The following SAMD11 variants were observed in gnomAD, a reference collection of about 807,000 sequenced individuals.
SAMD11 encodes the protein sterile alpha motif domain containing 11.
A neutral mutation model predicts 64.4 loss-of-function variants in SAMD11; 77 were observed. That is an observed-to-expected ratio of 1.20 (90% confidence interval 0.99 to 1.44). The LOEUF (loss-of-function observed/expected upper bound fraction) is 1.44, where lower values mean the gene tolerates loss of function less well. Among genes scored for constraint, SAMD11 ranks in the 40% most tolerant of loss-of-function variants. The probability of loss-of-function intolerance (pLI) is 0.00; values close to 1 mark genes in which losing one functional copy is unlikely to be tolerated. For synonymous variants in SAMD11, 658 were observed against 421.9 expected, an observed-to-expected ratio of 1.56 and a Z score of -6.86; for missense variants, 1,402 against 943.3, an observed-to-expected ratio of 1.49 and a Z score of -6.37.
intron 5 of SAMD11, among the ~76,000 whole-genome samples, chr1:936,484 G>C (rs535432666): frequency 1.3e-5 from 2 of 152,090 alleles, no homozygotes; most frequent in Non-Finnish European, 2.9e-5. Context: ...GGAGGGAAGG[G>C]ATCCGGCGCC....
chr1:940,958 C>G (rs1054289588), intron 7 of SAMD11, 186 bp from the exon 8 acceptor site: 1 of 533,202 alleles, frequency 1.9e-6, no homozygotes, highest in South Asian at 2.6e-5. Flanking sequence ...CCTCGCCCAG[C>G]ATCTTGTCTG....
chr1:935,601 G>C (rs1370725169), intron 4 of SAMD11, among the ~76,000 whole-genome samples, 171 bp from the exon 5 acceptor site: 2 of 152,184 alleles, frequency 1.3e-5, no homozygotes, highest in Non-Finnish European at 2.9e-5. Flanking sequence ...GTGCTGCGTG[G>C]GTGTGCACAC....
In SAMD11 at chr1:942,948, C is replaced by G; in HGVS notation, c.1943C>G (p.Thr648Ser). 6.5e-7 allele frequency: 1 copy of G among 1,548,496 alleles called. No individual in the cohort carries two copies. The highest frequency in any genetic ancestry group is 2.1e-5 in the Admixed American group (1 of 48,574). ...ETAAVGCRGP[T>S]PGQAPAGGAG... ...GCAGCTGTTGGGTGCAGGGGGCCCA[C>G]TCCGGGCCAAGCTCCAGCTGGAGGG... The change falls in exon 11 of 14, where the codon ACT (threonine) becomes AGT (serine). Residue 648 changes from threonine to serine, a missense_variant. Physicochemically the swap from Thr to Ser is moderately conservative, Grantham distance 58. Coordinates refer to ENST00000616016, the MANE Select transcript of SAMD11 (RefSeq NM_001385641.1).
intron 4 of SAMD11, among the ~76,000 whole-genome samples, chr1:935,310 G>A (rs1215032355): frequency 2.0e-5 from 3 of 152,120 alleles, no homozygotes; most frequent in African/African-American, 7.2e-5. Flanking sequence ...TGTGGTCTGG[G>A]CCTCAGTTTC....
In SAMD11 at chr1:940,932, G is replaced by A. The variant is rs866787150; in HGVS notation, c.1196-212G>A. On this transcript the variant is annotated intron_variant, in intron 7 of 13. Transcript: ENST00000616016. The stretch of plus-strand genomic sequence containing the variant: ...GCACCCGGCTCCCCTTCGGGGAAGA[G>A]CTTTTCCCGACACTTCCTCGCCCAG... 5.6e-5 allele frequency: 29 copies of A among 521,374 alleles called. No individual in the cohort carries two copies. In the Middle Eastern group the frequency reaches 5.0e-3, roughly 89 times the overall value. The allele number at this position is 521,374 out of a possible 1,614,324, so 32.3% of individuals were successfully genotyped here.
intron 7 of SAMD11, among the ~76,000 whole-genome samples, chr1:940,113 C>T (rs567805240): frequency 1.3e-5 from 2 of 152,312 alleles, no homozygotes; most frequent in South Asian, 4.1e-4. Context: ...GGATTCCTCA[C>T]ACCAGGCACC....
chr1:928,954 G>A (rs1403856633), intron 2 of SAMD11, among the ~76,000 whole-genome samples: 1 of 152,358 alleles, frequency 6.6e-6, no homozygotes, highest in Admixed American at 6.5e-5. Flanking sequence ...GTGGCAATGG[G>A]AGGGAGGAAG....
rs563519318 is a variant in SAMD11 at position 941,093 on chromosome 1, G to A, written c.1196-51G>A. 31 of 1,502,498 alleles carry A rather than the reference G, an allele frequency of 2.1e-5. 1 individual carries two copies. In the African/African-American group the frequency reaches 3.0e-4, roughly 15 times the overall value. 93.1% of individuals were successfully genotyped at this position (1,502,498 alleles called of 1,614,324 possible). ...GTTCTACGCCAGGACGCGGGCTGGGGAGGATGAGGGCGCATAGCCGGGGGG... is the reference window on the plus strand; with the variant it reads ...GTTCTACGCCAGGACGCGGGCTGGGAAGGATGAGGGCGCATAGCCGGGGGG... On this transcript the variant is annotated intron_variant, in intron 7 of 13. Transcript: ENST00000616016.
At chr1:941,113 G>A (rs748739985) in intron 7 of SAMD11, 31 bp from the exon 8 acceptor site, 2 of 1,565,880 alleles carry the variant, frequency 1.3e-6, no homozygotes, top group Non-Finnish European at 1.7e-6. Context: ...GCGCATAGCC[G>A]GGGGGATCAC....
chr1:942,794 A>T lies in SAMD11; in HGVS notation c.1789A>T (p.Lys597Ter). The T allele has an allele frequency of 6.5e-7, 1 of 1,542,388 alleles. No individual in the cohort carries two copies. The highest frequency in any genetic ancestry group is 8.7e-7 in the Non-Finnish European group (1 of 1,144,376). ...SRDSARRAPR[K>*]GGPGPASARP... is the part of the protein sequence containing the mutation. ...GGACTCTGCCCGGCGAGCCCCCCGG[A>T]AGGGGGGTCCCGGCCCTGCCTCAGC... Residue 597 changes from lysine to a stop codon, truncating the protein, a stop_gained, in exon 11 of 14, where the codon AAG (lysine) becomes TAG (stop). Coordinates refer to ENST00000616016, the MANE Select transcript of SAMD11 (RefSeq NM_001385641.1). LOFTEE classifies it high-confidence loss of function.
rs2100309476 is a variant in SAMD11 at position 931,023 on chromosome 1, G to A, written c.792-16G>A. ...GCCTCCAGAGCAACATGGACCTTCTGCTTCCCTTCCTGCAGAGTCCACACC... is the reference window on the plus strand; with the variant it reads ...GCCTCCAGAGCAACATGGACCTTCTACTTCCCTTCCTGCAGAGTCCACACC... On this transcript the variant is annotated splice_polypyrimidine_tract_variant and intron_variant, in intron 3 of 13. Coordinates refer to ENST00000616016, the MANE Select transcript of SAMD11 (RefSeq NM_001385641.1). 1 of 1,611,724 alleles carries A rather than the reference G, an allele frequency of 6.2e-7. No individual in the cohort carries two copies. The highest frequency in any genetic ancestry group is 8.5e-7 in the Non-Finnish European group (1 of 1,178,754).
chr1:944,228 C>T lies in SAMD11; in HGVS notation c.*75C>T, dbSNP rs537222882. The stretch of plus-strand genomic sequence containing the variant: ...TCAACACAATGGCCCTGCCTCCCAC[C>T]GCTTTATTTCTTTCGGTTTCGGATG... On this transcript the variant is annotated 3_prime_UTR_variant, in exon 14 of 14. Transcript: ENST00000616016. The T allele has an allele frequency of 2.0e-5, 29 of 1,458,160 alleles. No individual in the cohort carries two copies. The highest frequency in any genetic ancestry group is 1.8e-4 in the Middle Eastern group (1 of 5,446). The allele number at this position is 1,458,160 out of a possible 1,614,324, so 90.3% of individuals were successfully genotyped here.
In SAMD11 at chr1:935,701, C is replaced by T. The variant is rs1377381433; in HGVS notation, c.843-71C>T. The T allele has an allele frequency of 3.8e-6, 6 of 1,599,386 alleles. No individual in the cohort carries two copies. In the African/African-American group the frequency reaches 4.0e-5, roughly 11 times the overall value. ...ACGCTCACACACAGAGCTAGGCACT[C>T]CCTGTGCCCAGGCTGGGCTCCAGCC... On this transcript the variant is annotated intron_variant, in intron 4 of 13. Coordinates refer to ENST00000616016, the MANE Select transcript of SAMD11 (RefSeq NM_001385641.1).
At chr1:943,180 G>A (rs1641906213) in intron 11 of SAMD11, 73 bp from the exon 12 acceptor site, 10 of 1,604,034 alleles carry the variant, frequency 6.2e-6, no homozygotes, top group Non-Finnish European at 8.5e-6. Context: ...AGCAATTGGG[G>A]CACACGACGG....
chr1:941,263 C>T lies in SAMD11; in HGVS notation c.1315C>T (p.Arg439Trp), dbSNP rs916789337. The part of the protein sequence containing the change: ...QRRKQGLAQH[R>W]EGAAPAAAPS... ...TCGGAAGCAGGGCCTGGCTCAGCAC[C>T]GGGAGGGCGCCGCCCCAGCTGCCGC... is the stretch of plus-strand genomic sequence containing the variant. The change falls in exon 8 of 14, where the codon CGG (arginine) becomes TGG (tryptophan). Residue 439 changes from arginine (R) to tryptophan (W), a missense_variant. Coordinates refer to ENST00000616016, the MANE Select transcript of SAMD11 (RefSeq NM_001385641.1). The T allele has an allele frequency of 6.3e-6, 10 of 1,599,456 alleles. No individual in the cohort carries two copies. Among genetic ancestry groups the T allele is most frequent in the East Asian group, 2.3e-5 (1 of 44,172 alleles).
intron 2 of SAMD11, among the ~76,000 whole-genome samples, chr1:928,269 G>GT (rs1238413473): frequency 6.6e-6 from 1 of 152,244 alleles, no homozygotes; most frequent in Non-Finnish European, 1.5e-5. Flanking sequence ...GCGGGTGCCT[G>GT]TAGTCCCAGC....
In SAMD11 at chr1:938,938, C is replaced by T; in HGVS notation, c.968-102C>T. Reference sequence around the variant, plus strand: ...GCCTGTACTCACCAGGACCAAGGGCCCCCTGAGAGATGGTGGGTGCGGTCC... The same window carrying T: ...GCCTGTACTCACCAGGACCAAGGGCTCCCTGAGAGATGGTGGGTGCGGTCC... On this transcript the variant is annotated intron_variant, in intron 5 of 13. Transcript: ENST00000616016. 7 of 1,025,714 alleles carry T rather than the reference C, an allele frequency of 6.8e-6. No individual in the cohort carries two copies. The South Asian group carries it at 8.2e-5, about 12-fold the overall frequency. The allele number at this position is 1,025,714 out of a possible 1,614,324, so 63.5% of individuals were successfully genotyped here. A position where few individuals can be genotyped will look rare whatever the true frequency, so the allele number is the denominator to read the frequency against.
chr1:927,336 G>A (rs893289955), intron 2 of SAMD11, among the ~76,000 whole-genome samples: 2 of 152,144 alleles, frequency 1.3e-5, no homozygotes, highest in Non-Finnish European at 2.9e-5. Flanking sequence ...CCCCCTTGAG[G>A]GCTCCCCCAG....
Position 939,138 on chromosome 1 carries a change from G to C in SAMD11, c.1057+9G>C. ...AAGCGAATCGCCTCAAGGTAAGAGC[G>C]TGGCTGGGACGAGAGACAGGTCACC... On this transcript the variant is annotated intron_variant, in intron 6 of 13. Coordinates refer to ENST00000616016, the MANE Select transcript of SAMD11 (RefSeq NM_001385641.1). 1 of 1,578,512 alleles carries C rather than the reference G, an allele frequency of 6.3e-7. No homozygotes were observed. Among genetic ancestry groups the C allele is most frequent in the Non-Finnish European group, 8.6e-7 (1 of 1,161,582 alleles).
Sources: allele counts gnomAD v4.1 joint callset (sites outside exome capture counted in the v4.1 genomes callset), GRCh38; gene constraint gnomAD v4.1.1; transcripts MANE v1.5; gene names NCBI Gene and HGNC (gene_info 2026-07-23, HGNC 2026-07-21).